The following DACH2 variants were observed in gnomAD, a reference collection of about 807,000 sequenced individuals.
The protein encoded by DACH2 is dachshund homolog 2.
In DACH2, 17 loss-of-function variants were observed where a neutral mutation model predicts 35.8. The ratio of observed to expected loss-of-function variants is 0.48; its 90% CI spans 0.33 to 0.71. The LOEUF (loss-of-function observed/expected upper bound fraction) is 0.71, where lower values mean the gene tolerates loss of function less well. Among genes scored for constraint, DACH2 ranks in the 30% least tolerant of loss-of-function variants. DACH2 has a pLI of 0.02. For synonymous variants in DACH2, 195 were observed against 177.3 expected (o/e 1.10, Z -0.79); for missense variants, 469 against 472.7 (o/e 0.99, Z 0.07).
At chrX:86,511,258 G>A (rs772800615) in intron 2 of DACH2, among the ~76,000 whole-genome samples, 13 of 111,635 alleles carry the variant, frequency 1.2e-4, no homozygotes, top group South Asian at 1.1e-3. Flanking sequence ...TAGGAATGTC[G>A]TACTATGGAG....
chrX:86,515,138 G>T (rs1243376821), intron 3 of DACH2, among the ~76,000 whole-genome samples: 1 of 111,098 alleles, frequency 9.0e-6, no homozygotes, highest in Non-Finnish European at 1.9e-5. Context: ...TAAAGCATCT[G>T]TTGTGTTCTG....
chrX:86,675,082 C>T (rs1392390288), intron 4 of DACH2, among the ~76,000 whole-genome samples: 4 of 111,518 alleles, frequency 3.6e-5, no homozygotes, highest in Non-Finnish European at 7.5e-5. Context: ...CATCCCTCTG[C>T]CTCCCAACCA....
chrX:86,308,100 G>T (rs2148021002), intron 1 of DACH2, among the ~76,000 whole-genome samples: 1 of 112,419 alleles, frequency 8.9e-6, no homozygotes, highest in East Asian at 2.8e-4. Context: ...TGGGATCGTA[G>T]ATTGTATTCA....
intron 4 of DACH2, among the ~76,000 whole-genome samples, chrX:86,665,846 A>G (rs781177151): frequency 9.0e-6 from 1 of 110,925 alleles, no homozygotes; most frequent in Non-Finnish European, 1.9e-5. Flanking sequence ...TTTATAAAAC[A>G]TATGTTATTC....
At chrX:86,613,856 C>G (rs1488465216) in intron 3 of DACH2, among the ~76,000 whole-genome samples, 1 of 111,653 alleles carries the variant, frequency 9.0e-6, no homozygotes, top group Non-Finnish European at 1.9e-5. Flanking sequence ...TACTTTCATA[C>G]TTAAGATCTA....
At chrX:86,716,040 C>T (rs905942666) in intron 6 of DACH2, among the ~76,000 whole-genome samples, 1 of 111,558 alleles carries the variant, frequency 9.0e-6, no homozygotes, top group Admixed American at 9.5e-5. Context: ...AAAAATTGAT[C>T]ATTTTTATAA....
At chrX:86,800,620 T>C (rs997055532) in intron 7 of DACH2, among the ~76,000 whole-genome samples, 35 of 112,002 alleles carry the variant, frequency 3.1e-4, no homozygotes, top group African/African-American at 1.1e-3. Flanking sequence ...TTGATAAAAC[T>C]TAAGAAATTT....
At chrX:86,702,730 A>C (rs1029522847) in intron 5 of DACH2, among the ~76,000 whole-genome samples, 1 of 111,643 alleles carries the variant, frequency 9.0e-6, no homozygotes, top group Non-Finnish European at 1.9e-5. Flanking sequence ...ATCAGGAAGA[A>C]CTAGAAATCC....
chrX:86,718,569 G>A (rs192364201), intron 6 of DACH2, among the ~76,000 whole-genome samples: 10 of 111,633 alleles, frequency 9.0e-5, no homozygotes, highest in African/African-American at 3.3e-4. Context: ...ATGTCCAGGA[G>A]AATTTTCCTT....
intron 1 of DACH2, among the ~76,000 whole-genome samples, chrX:86,178,892 T>C (rs1473308413): frequency 9.0e-6 from 1 of 111,590 alleles, no homozygotes; most frequent in Non-Finnish European, 1.9e-5. Flanking sequence ...AAAGAGCAAA[T>C]TGCAGAATAA....
At chrX:86,543,082 G>A (rs777208666) in intron 3 of DACH2, among the ~76,000 whole-genome samples, 159 of 111,633 alleles carry the variant, frequency 1.4e-3, no homozygotes, top group Middle Eastern at 4.2e-3. Context: ...GAGAGACAGA[G>A]GCATTAAGAC....
chrX:86,529,333 C>T (rs1172010801), intron 3 of DACH2, among the ~76,000 whole-genome samples: 1 of 110,791 alleles, frequency 9.0e-6, no homozygotes, highest in Non-Finnish European at 1.9e-5. Context: ...GTGTGAGCCA[C>T]TGCACCTGGC....
intron 1 of DACH2, among the ~76,000 whole-genome samples, chrX:86,200,441 T>C (rs7060340): frequency 0.08 from 8,810 of 110,015 alleles, 880 homozygotes; most frequent in African/African-American, 0.28. Context: ...AAATAGAACC[T>C]AATTAAGTTA....
intron 1 of DACH2, among the ~76,000 whole-genome samples, chrX:86,300,521 G>A (rs2034554793): frequency 1.9e-5 from 2 of 105,967 alleles, no homozygotes; most frequent in African/African-American, 6.9e-5. Context: ...CACACACCGG[G>A]GCCTGTTGTG....
intron 2 of DACH2, among the ~76,000 whole-genome samples, chrX:86,410,066 T>G (rs1283363585): frequency 8.9e-6 from 1 of 112,468 alleles, no homozygotes; most frequent in African/African-American, 3.2e-5. Context: ...ACCTATAGCA[T>G]GACATCCTTA....
chrX:86,316,639 C>A (rs1372615564), intron 1 of DACH2, among the ~76,000 whole-genome samples: 3 of 111,356 alleles, frequency 2.7e-5, no homozygotes, highest in Non-Finnish European at 3.8e-5. Context: ...GCGATGACTT[C>A]TTCAGGCTAC....
chrX:86,496,583 G>A (rs1407315067), intron 2 of DACH2, among the ~76,000 whole-genome samples: 1 of 110,241 alleles, frequency 9.1e-6, no homozygotes, highest in Non-Finnish European at 1.9e-5. Flanking sequence ...AGGGAGGGGG[G>A]ACCTTTGAGC....
chrX:86,728,427 G>GA (rs1261488402), intron 6 of DACH2, among the ~76,000 whole-genome samples: 1 of 112,512 alleles, frequency 8.9e-6, no homozygotes, highest in Non-Finnish European at 1.9e-5. Context: ...GGCAAAAAAA[G>GA]AAAAAAGCTC....
chrX:86,486,969 C>T (rs764569433), intron 2 of DACH2, among the ~76,000 whole-genome samples: 2 of 111,860 alleles, frequency 1.8e-5, no homozygotes, highest in South Asian at 3.7e-4. Context: ...CAAAGCTATT[C>T]CTTAACCAAA....
Sources: gnomAD v4.1 joint callset for allele counts (sites outside exome capture counted in the v4.1 genomes callset) on GRCh38, gnomAD v4.1.1 for gene constraint, MANE v1.5 for transcripts, NCBI Gene and HGNC (gene_info 2026-07-23, HGNC 2026-07-21) for gene names.